The following EBF1 variants were observed in gnomAD, a reference collection of about 807,000 sequenced individuals.
EBF1 encodes EBF transcription factor 1, also known as transcription factor COE1.
EBF1 carries 10 observed loss-of-function variants against 68.4 expected under a neutral mutation model. That is an observed-to-expected ratio of 0.15 (90% CI 0.09 to 0.25). EBF1 has a LOEUF of 0.25. EBF1 is among the 10% of genes least tolerant of loss of function. The pLI, the probability that EBF1 is intolerant of heterozygous loss-of-function variation, is 1.00. For missense variants in EBF1, 509 were observed against 794.4 expected, an observed-to-expected ratio of 0.64 and a Z score of 4.32; for synonymous variants, 298 against 299.8, an observed-to-expected ratio of 0.99 and a Z score of 0.06.
intron 6 of EBF1, among the ~76,000 whole-genome samples, chr5:158,970,264 C>CT (rs1755362188): frequency 6.6e-6 from 1 of 152,070 alleles, no homozygotes; most frequent in South Asian, 2.1e-4. Flanking sequence ...TCCCATAAAC[C>CT]ACCGGTTTCA....
chr5:158,886,027 C>G (rs868420308), intron 6 of EBF1, among the ~76,000 whole-genome samples: 1 of 152,204 alleles, frequency 6.6e-6, no homozygotes. Flanking sequence ...AGGAGCCTGG[C>G]CTTGCTGGCA....
intron 6 of EBF1, among the ~76,000 whole-genome samples, chr5:159,043,754 G>T (rs1771735906): frequency 6.6e-6 from 1 of 152,186 alleles, no homozygotes; most frequent in African/African-American, 2.4e-5. Context: ...AACCATAAAT[G>T]TCTCTCGGCA....
At chr5:158,927,683 T>C (rs1018680027) in intron 6 of EBF1, among the ~76,000 whole-genome samples, 1 of 152,296 alleles carries the variant, frequency 6.6e-6, no homozygotes, top group Admixed American at 6.5e-5. Flanking sequence ...CTGCACCCAA[T>C]AGATAAGATG....
At chr5:158,712,626 T>G (rs1759657441) in intron 13 of EBF1, among the ~76,000 whole-genome samples, 1 of 152,186 alleles carries the variant, frequency 6.6e-6, no homozygotes, top group South Asian at 2.1e-4. Context: ...ATCTAAGAGA[T>G]GTACCCTGGA....
chr5:158,786,845 A>G (rs1777548010), intron 9 of EBF1, among the ~76,000 whole-genome samples: 1 of 152,218 alleles, frequency 6.6e-6, no homozygotes, highest in East Asian at 1.9e-4. Flanking sequence ...AAAATATAAA[A>G]GCCAAAAGAC....
At chr5:159,042,634 T>C (rs1009239909) in intron 6 of EBF1, among the ~76,000 whole-genome samples, 2 of 151,758 alleles carry the variant, frequency 1.3e-5, no homozygotes, top group Admixed American at 6.6e-5. Context: ...ATGTTTTGGC[T>C]CCCCAGCAAC....
intron 4 of EBF1, among the ~76,000 whole-genome samples, chr5:159,091,109 G>A (rs919926141): frequency 6.6e-6 from 1 of 152,186 alleles, no homozygotes; most frequent in Non-Finnish European, 1.5e-5. Flanking sequence ...ACAGTCATAT[G>A]AGTTCAATAA....
chr5:158,737,626 G>A (rs1440574729), intron 10 of EBF1, among the ~76,000 whole-genome samples: 1 of 152,074 alleles, frequency 6.6e-6, no homozygotes, highest in Non-Finnish European at 1.5e-5. Context: ...CTTGATGTGT[G>A]ACAACAACTT....
chr5:158,930,887 C>CA (rs5872578), intron 6 of EBF1, among the ~76,000 whole-genome samples: 4,534 of 143,266 alleles, frequency 0.032, 218 homozygotes, highest in African/African-American at 0.11. Flanking sequence ...TCAGGTTACC[C>CA]AAAAAAAAAA....
At chr5:158,978,552 A>G (rs1757229412) in intron 6 of EBF1, among the ~76,000 whole-genome samples, 1 of 152,122 alleles carries the variant, frequency 6.6e-6, no homozygotes, top group Non-Finnish European at 1.5e-5. Context: ...TACAGGAAAA[A>G]TTCCCTGGAA....
At chr5:158,827,606 C>G (rs1360718260) in intron 7 of EBF1, among the ~76,000 whole-genome samples, 2 of 152,184 alleles carry the variant, frequency 1.3e-5, no homozygotes, top group Non-Finnish European at 2.9e-5. Flanking sequence ...CAGGCAGCCC[C>G]TCTTCCCTTC....
intron 6 of EBF1, among the ~76,000 whole-genome samples, chr5:158,909,934 T>TGAC (rs1439210273): frequency 9.2e-6 from 1 of 108,656 alleles, no homozygotes; most frequent in African/African-American, 3.6e-5. Context: ...TCCAGCCTGG[T>TGAC]GACAGAACGA....
chr5:158,974,955 C>G (rs1756428911), intron 6 of EBF1, among the ~76,000 whole-genome samples: 1 of 152,194 alleles, frequency 6.6e-6, no homozygotes, highest in Non-Finnish European at 1.5e-5. Context: ...ATTATACTAA[C>G]TAATGGCACA....
intron 6 of EBF1, among the ~76,000 whole-genome samples, chr5:158,899,405 G>A (rs941404622): frequency 3.3e-5 from 5 of 152,228 alleles, no homozygotes; most frequent in Admixed American, 1.3e-4. Flanking sequence ...CCGAATGGTG[G>A]GAATCACAGG....
chr5:158,948,291 C>T (rs1413191309), intron 6 of EBF1, among the ~76,000 whole-genome samples: 1 of 151,978 alleles, frequency 6.6e-6, no homozygotes, highest in African/African-American at 2.4e-5. Context: ...GCAGCTGCTG[C>T]CCAGCCAAAG....
chr5:159,067,454 T>C (rs933923786), intron 6 of EBF1, among the ~76,000 whole-genome samples: 1 of 152,228 alleles, frequency 6.6e-6, no homozygotes, highest in Non-Finnish European at 1.5e-5. Context: ...GGAAAACCAC[T>C]GTTGTTCATT....
chr5:158,705,758 C>A lies in EBF1; in HGVS notation c.1744+2221G>T, dbSNP rs114996206. On this transcript the variant is annotated intron_variant, in intron 15 of 15. Transcript: ENST00000313708. ...AACCACTTCCTGCTCCTTCCTAGGA[C>A]CACAGGGCATGAGAAGACATCGGGC... Among the ~76,000 whole-genome samples, 824 of 152,298 alleles carry A rather than the reference C, an allele frequency of 5.4e-3. 13 individuals carry two copies. Among genetic ancestry groups the A allele is most frequent in the African/African-American group, 0.019 (776 of 41,556 alleles).
chr5:158,923,049 C>A (rs1051273007), intron 6 of EBF1, among the ~76,000 whole-genome samples: 1 of 152,192 alleles, frequency 6.6e-6, no homozygotes, highest in African/African-American at 2.4e-5. Flanking sequence ...GCGATTTGAA[C>A]GCAGAAAGCC....
chr5:158,982,451 T>C (rs1758085809), intron 6 of EBF1, among the ~76,000 whole-genome samples: 1 of 152,158 alleles, frequency 6.6e-6, no homozygotes, highest in Non-Finnish European at 1.5e-5. Flanking sequence ...AACGAGGATA[T>C]AAAGATTAAC....
Sources: allele counts gnomAD v4.1 joint callset (sites outside exome capture counted in the v4.1 genomes callset), GRCh38; gene constraint gnomAD v4.1.1; transcripts MANE v1.5; gene names NCBI Gene and HGNC (gene_info 2026-07-23, HGNC 2026-07-21).